SCN2A: variants seen among roughly 807,000 people sequenced by gnomAD.
The protein encoded by SCN2A is sodium channel protein type 2 subunit alpha.
In SCN2A, 20 loss-of-function variants were observed where a neutral mutation model predicts 188.7. The observed-to-expected ratio is 0.11, with a 90% CI of 0.07 to 0.15. The LOEUF is 0.15. Ranked by LOEUF, SCN2A falls within the 10% of genes least tolerant of loss-of-function variation. The pLI, the probability that SCN2A is intolerant of heterozygous loss-of-function variation, is 1.00. For synonymous variants in SCN2A, 804 were observed against 833.1 expected (o/e 0.97, Z 0.60); for missense variants, 1,278 against 2,445.0 (o/e 0.52, Z 10.07).
chr2:165,354,525 T>G lies in SCN2A; in HGVS notation c.3253T>G (p.Tyr1085Asp), dbSNP rs1200722165. ...TGGCATAGGCAGCAGTGTAGAAAAA[T>G]ATGTCGTGGATGAAAGTGATTACAT... ...TSGIGSSVEK[Y>D]VVDESDYMSF... Residue 1085 changes from tyrosine to aspartate, a missense_variant, in exon 17 of 27, where the codon TAT (tyrosine) becomes GAT (aspartate). By Grantham distance (160) the Tyr-to-Asp change is radical (BLOSUM62 -3). Coordinates refer to ENST00000375437, the MANE Select transcript of SCN2A (RefSeq NM_001040142.2). 1.2e-6 allele frequency: 2 copies of G among 1,613,944 alleles called. No individual in the cohort carries two copies. The highest frequency in any genetic ancestry group is 1.7e-6 in the Non-Finnish European group (2 of 1,179,976).
rs748331725 is a variant in SCN2A, at chr2:165,295,957, A to G, written c.134A>G (p.Asp45Gly). The part of the protein sequence containing the change: ...KRPKQERKDE[D>G]DENGPKPNSD... ...CCCAAACAGGAACGCAAGGATGAGG[A>G]TGATGAAAATGGCCCAAAGCCAAAC... Residue 45 changes from aspartate to glycine, a missense_variant, in exon 2 of 27, where the codon GAT becomes GGT. Asp to Gly is a moderately conservative substitution (Grantham distance 94). Coordinates refer to ENST00000375437, the MANE Select transcript of SCN2A (RefSeq NM_001040142.2). 2.5e-6 allele frequency: 4 copies of G among 1,614,062 alleles called. No homozygotes were observed. The highest frequency in any genetic ancestry group is 2.2e-5 in the South Asian group (2 of 91,088).
chr2:165,323,310 A>T lies in SCN2A; in HGVS notation c.1826A>T (p.Asp609Val). The T allele has an allele frequency of 6.2e-7, 1 of 1,613,906 alleles. No homozygotes were observed. Among genetic ancestry groups the T allele is most frequent in the Non-Finnish European group, 8.5e-7 (1 of 1,179,962 alleles). Residue 609 changes from aspartate (D) to valine (V), a missense_variant, in exon 12 of 27, where the codon GAC becomes GTC. Asp to Val is a radical substitution (Grantham distance 152). This residue lies in a region of SCN2A where 315 missense variants were observed against 386.6 expected (regional missense o/e 0.81). Transcript: ENST00000375437. ...STFEDNDSRR[D>V]SLFVPHRHGE... The stretch of plus-strand genomic sequence containing the variant: ...TTTGAGGACAATGACAGCCGAAGAG[A>T]CTCTCTGTTCGTGCCGCACAGACAT...
chr2:165,275,175 A>G (rs1475579259), intron 1 of SCN2A, among the ~76,000 whole-genome samples: 1 of 152,196 alleles, frequency 6.6e-6, no homozygotes, highest in African/African-American at 2.4e-5. Flanking sequence ...TGTGAACACC[A>G]TTCCATAACT....
chr2:165,282,161 G>C (rs374479681), intron 1 of SCN2A, among the ~76,000 whole-genome samples: 1 of 152,178 alleles, frequency 6.6e-6, no homozygotes, highest in South Asian at 2.1e-4. Flanking sequence ...CCTCAGGCTG[G>C]AAGTGCCAAG....
At chr2:165,379,481 A>G (rs950629867) in intron 23 of SCN2A, among the ~76,000 whole-genome samples, 5 of 151,770 alleles carry the variant, frequency 3.3e-5, no homozygotes, top group African/African-American at 1.2e-4. Flanking sequence ...GATGGAGTTT[A>G]TGTTTGAGAA....
intron 13 of SCN2A, chr2:165,328,515 G>A (rs530032344): frequency 1.0e-6 from 1 of 985,572 alleles, no homozygotes; most frequent in Non-Finnish European, 1.2e-6. Context: ...GCTCCCTAAA[G>A]CAGGAAGTAG....
chr2:165,317,066 C>A (rs1697792162), intron 11 of SCN2A, among the ~76,000 whole-genome samples: 1 of 151,910 alleles, frequency 6.6e-6, no homozygotes, highest in South Asian at 2.1e-4. Flanking sequence ...TCTCTTTTAC[C>A]TTTTTATAAT....
At chr2:165,376,706 G>A (rs1574721155) in intron 22 of SCN2A, among the ~76,000 whole-genome samples, 1 of 152,090 alleles carries the variant, frequency 6.6e-6, no homozygotes, top group African/African-American at 2.4e-5. Flanking sequence ...AGGGGTGTGT[G>A]TGTGTGTGTG....
intron 11 of SCN2A, among the ~76,000 whole-genome samples, chr2:165,320,771 A>G (rs1410643993): frequency 6.6e-6 from 1 of 152,166 alleles, no homozygotes; most frequent in Non-Finnish European, 1.5e-5. Context: ...TAGGCTGCAC[A>G]CAGCGTGGGA....
intron 1 of SCN2A, among the ~76,000 whole-genome samples, chr2:165,277,964 A>C (rs1312972180): frequency 6.6e-6 from 1 of 152,222 alleles, no homozygotes; most frequent in Non-Finnish European, 1.5e-5. Context: ...ACTTGAAGGC[A>C]ATTACTTAAA....
intron 1 of SCN2A, among the ~76,000 whole-genome samples, chr2:165,243,098 C>T (rs1399498837): frequency 6.6e-6 from 1 of 152,162 alleles, no homozygotes; most frequent in Non-Finnish European, 1.5e-5. Context: ...CTTTTACATA[C>T]TTCAGTTATC....
At chr2:165,341,363 G>A (rs1699309850) in intron 14 of SCN2A, among the ~76,000 whole-genome samples, 2 of 152,170 alleles carry the variant, frequency 1.3e-5, no homozygotes, top group Admixed American at 1.3e-4. Flanking sequence ...AAAGTGCTGG[G>A]ATTACAGGCG....
intron 14 of SCN2A, among the ~76,000 whole-genome samples, chr2:165,331,897 G>A (rs1698703472): frequency 6.6e-6 from 1 of 152,016 alleles, no homozygotes; most frequent in Non-Finnish European, 1.5e-5. Flanking sequence ...ACATGTCTGT[G>A]TTTACTAAAC....
At chr2:165,306,464 AT>A (rs778305750) in intron 3 of SCN2A, among the ~76,000 whole-genome samples, 79 of 151,346 alleles carry the variant, frequency 5.2e-4, no homozygotes, top group Non-Finnish European at 9.1e-4. Flanking sequence ...TTTGTTTGTT[AT>A]AGCAATAAAG....
At chr2:165,381,692 A>C (rs905659794) in intron 25 of SCN2A, among the ~76,000 whole-genome samples, 1 of 152,022 alleles carries the variant, frequency 6.6e-6, no homozygotes, top group South Asian at 2.1e-4. Flanking sequence ...GACAAACCTC[A>C]TATTTTCCCC....
chr2:165,350,357 T>C (rs1401858061), intron 16 of SCN2A, among the ~76,000 whole-genome samples: 1 of 151,828 alleles, frequency 6.6e-6, no homozygotes, highest in Non-Finnish European at 1.5e-5. Context: ...TCCAAGAGGC[T>C]AATTTGAGAC....
chr2:165,283,918 A>G (rs1043720982), intron 1 of SCN2A, among the ~76,000 whole-genome samples: 12 of 152,164 alleles, frequency 7.9e-5, no homozygotes, highest in African/African-American at 2.9e-4. Flanking sequence ...TTCCTTCACA[A>G]ATAATGCAAG....
chr2:165,288,431 A>AT (rs577482770), intron 1 of SCN2A, among the ~76,000 whole-genome samples: 6 of 150,730 alleles, frequency 4.0e-5, no homozygotes, highest in African/African-American at 9.7e-5. Context: ...TTTCTAAATA[A>AT]TTTTTTTTTA....
intron 1 of SCN2A, chr2:165,269,564 A>G: frequency 6.6e-6 from 1 of 152,040 alleles, no homozygotes; most frequent in South Asian, 2.1e-4. Flanking sequence ...AATGAAATAT[A>G]CACGTAAAAC....
Sources: gnomAD v4.1 joint callset for allele counts (sites outside exome capture counted in the v4.1 genomes callset) on GRCh38, gnomAD v4.1.1 for gene constraint, gnomAD v4.1.1 regional missense constraint, MANE v1.5 for transcripts, NCBI Gene and HGNC (gene_info 2026-07-23, HGNC 2026-07-21) for gene names.